The following G3BP2 variants were observed in gnomAD, a reference collection of about 807,000 sequenced individuals.
The protein encoded by G3BP2 is G3BP stress granule assembly factor 2, also known as ras GTPase-activating protein-binding protein 2.
Under a neutral mutation model 56.7 loss-of-function variants are expected in G3BP2, and 11 were observed. The ratio of observed to expected loss-of-function variants is 0.19; its 90% confidence interval spans 0.12 to 0.32. The LOEUF (loss-of-function observed/expected upper bound fraction) is 0.32. Ranked by LOEUF, G3BP2 falls within the 10% of genes least tolerant of loss-of-function variation. The pLI, the probability that G3BP2 is intolerant of heterozygous loss-of-function variation, is 1.00. For missense variants in G3BP2, 340 were observed against 610.9 expected, an observed-to-expected ratio of 0.56 and a Z score of 4.67; for synonymous variants, 165 against 191.6, an observed-to-expected ratio of 0.86 and a Z score of 1.15.
chr4:75,652,916 A>C (rs1731809564), intron 8 of G3BP2, among the ~76,000 whole-genome samples: 1 of 152,194 alleles, frequency 6.6e-6, no homozygotes, highest in Admixed American at 6.5e-5. Context: ...AATAATCCAA[A>C]GGTTCCAAAT....
chr4:75,683,988 A>G (rs544028833), intron 3 of G3BP2, among the ~76,000 whole-genome samples: 12 of 152,192 alleles, frequency 7.9e-5, no homozygotes, highest in Non-Finnish European at 1.8e-4. Context: ...TTCTCTAAGC[A>G]ACAAAGAGCT....
intron 3 of G3BP2, among the ~76,000 whole-genome samples, chr4:75,714,247 T>C (rs561594859): frequency 6.6e-6 from 1 of 152,232 alleles, no homozygotes; most frequent in Non-Finnish European, 1.5e-5. Context: ...CTTTAGTAAT[T>C]AGACACTGAA....
At chr4:75,664,127 C>G (rs904327822) in intron 1 of G3BP2, among the ~76,000 whole-genome samples, 3 of 151,754 alleles carry the variant, frequency 2.0e-5, no homozygotes, top group Non-Finnish European at 4.4e-5. Flanking sequence ...CGTGATCCAC[C>G]TGCCTCAGCC....
In G3BP2 at chr4:75,647,291, G is replaced by A. The variant is rs915501421; in HGVS notation, c.929-134C>T. The A allele has an allele frequency of 1.4e-5, 8 of 564,416 alleles. No homozygotes were observed. In the African/African-American group the frequency reaches 1.5e-4, roughly 11 times the overall value. The allele number at this position is 564,416 out of a possible 1,614,324, so 35.0% of individuals were successfully genotyped here. A position where few individuals can be genotyped will look rare whatever the true frequency, so the allele number is the denominator to read the frequency against. On this transcript the variant is annotated intron_variant, in intron 9 of 11. Transcript: ENST00000359707. ...AAGACTAGGTGAGCTTCTTGAAAAA[G>A]AGGCAAAAGTACTTATTACTAGTAG...
chr4:75,651,254 T>C (rs1731682784), intron 8 of G3BP2, among the ~76,000 whole-genome samples: 1 of 152,166 alleles, frequency 6.6e-6, no homozygotes, highest in African/African-American at 2.4e-5. Flanking sequence ...TGCACCTTTA[T>C]TACAAAATTT....
intron 3 of G3BP2, among the ~76,000 whole-genome samples, chr4:75,710,665 CTTTA>C (rs1242021286): frequency 6.6e-6 from 1 of 152,000 alleles, no homozygotes; most frequent in Non-Finnish European, 1.5e-5. Context: ...GTCTGTCTGG[CTTTA>C]TTTATTTATT....
intron 3 of G3BP2, among the ~76,000 whole-genome samples, 163 bp from the exon 4 acceptor site, chr4:75,657,893 C>G (rs922670307): frequency 1.3e-5 from 2 of 152,162 alleles, no homozygotes; most frequent in Non-Finnish European, 2.9e-5. Context: ...GAATGATGTT[C>G]CTAAAGAAGA....
intron 1 of G3BP2, among the ~76,000 whole-genome samples, chr4:75,668,069 C>T (rs553693516): frequency 5.9e-5 from 9 of 152,106 alleles, no homozygotes; most frequent in South Asian, 4.1e-4. Context: ...TCAGCTCTCA[C>T]GGAAAATTGC....
intron 3 of G3BP2, among the ~76,000 whole-genome samples, chr4:75,712,371 A>C (rs1466917434): frequency 1.3e-5 from 2 of 152,044 alleles, no homozygotes; most frequent in Non-Finnish European, 2.9e-5. Context: ...CATTATTTTG[A>C]GGTACATGAT....
rs1344358657 is a variant in G3BP2, at chr4:75,673,193, GGCGCCCGTAC to G, written c.-25+5_-25+14del. Reference sequence around the variant, plus strand: ...GACCACCACACCGACCTCCCCTCCCGGCGCCCGTACACACCTCCAGCCAACGGCGGCGGCG... The same window carrying G: ...GACCACCACACCGACCTCCCCTCCCGACACCTCCAGCCAACGGCGGCGGCG... On this transcript the variant is annotated splice_donor_5th_base_variant and intron_variant, in intron 1 of 11. Transcript: ENST00000359707. The G allele has an allele frequency of 4.7e-5, 56 of 1,197,362 alleles. No homozygotes were observed. The highest frequency in any genetic ancestry group is 1.3e-5 in the Non-Finnish European group (13 of 966,198). The allele number at this position is 1,197,362 out of a possible 1,614,324, so 74.2% of individuals were successfully genotyped here. A position where few individuals can be genotyped will look rare whatever the true frequency, so the allele number is the denominator to read the frequency against.
chr4:75,664,009 G>A (rs1315893454), intron 1 of G3BP2, among the ~76,000 whole-genome samples: 9 of 149,948 alleles, frequency 6.0e-5, no homozygotes, highest in Non-Finnish European at 7.4e-5. Context: ...TCAGCCTCCC[G>A]AGTAGCTGGG....
intron 3 of G3BP2, among the ~76,000 whole-genome samples, chr4:75,716,161 G>A (rs960142689): frequency 6.6e-6 from 1 of 152,054 alleles, no homozygotes; most frequent in African/African-American, 2.4e-5. Flanking sequence ...GCAAGTTGGA[G>A]CTTTTCTAGT....
intron 3 of G3BP2, among the ~76,000 whole-genome samples, chr4:75,699,730 AGTT>A (rs1359737612): frequency 3.9e-5 from 6 of 152,084 alleles, no homozygotes; most frequent in South Asian, 2.1e-4. Flanking sequence ...TTTCTCTTAT[AGTT>A]GTTGTTTTTC....
chr4:75,719,810 A>G (rs1252284755), intron 3 of G3BP2, among the ~76,000 whole-genome samples: 2 of 151,846 alleles, frequency 1.3e-5, no homozygotes. Flanking sequence ...GCTGGTCTCA[A>G]GCTCCCGACC....
intron 1 of G3BP2, among the ~76,000 whole-genome samples, chr4:75,671,311 A>T (rs1485399885): frequency 2.0e-5 from 3 of 152,200 alleles, no homozygotes; most frequent in Non-Finnish European, 4.4e-5. Context: ...TTTTTAAAGC[A>T]ATCTAGGGGG....
intron 3 of G3BP2, among the ~76,000 whole-genome samples, chr4:75,683,322 G>T (rs1734154344): frequency 6.6e-6 from 1 of 152,110 alleles, no homozygotes; most frequent in East Asian, 1.9e-4. Context: ...AGCATTTTGT[G>T]AGGCCAAGGC....
rs139374834 is a variant in G3BP2, at chr4:75,721,735, G to A, written c.-118+462C>T. 3.2e-3 allele frequency among the ~76,000 whole-genome samples: 482 copies of A among 152,048 alleles called. 1 individual carries two copies. Among genetic ancestry groups the A allele is most frequent in the African/African-American group, 0.011 (454 of 41,466 alleles). On this transcript the variant is annotated intron_variant, in intron 2 of 3. Transcript: ENST00000499709. ...AAACAATCTTATGCAATTATATTTC[G>A]TTGTTTTTGCGAGTTTTCCACTAGA...
In G3BP2 at chr4:75,673,330, C is replaced by T; in HGVS notation, c.-147G>A. On this transcript the variant is annotated 5_prime_UTR_variant, in exon 1 of 12. Transcript: ENST00000359707. ...CCGACAACTCGGAAGCCTCGGAAGCCGGAGAGCCGCGAGTTCGTCTGCCTC... is the reference window on the plus strand; with the variant it reads ...CCGACAACTCGGAAGCCTCGGAAGCTGGAGAGCCGCGAGTTCGTCTGCCTC... 2.4e-6 allele frequency: 3 copies of T among 1,230,554 alleles called. No homozygotes were observed. The South Asian group carries it at 1.2e-4, about 51-fold the overall frequency. The allele number at this position is 1,230,554 out of a possible 1,614,324, so 76.2% of individuals were successfully genotyped here. A position where few individuals can be genotyped will look rare whatever the true frequency, so the allele number is the denominator to read the frequency against.
chr4:75,670,246 T>C lies in G3BP2; in HGVS notation c.-25+2962A>G, dbSNP rs551135493. On this transcript the variant is annotated intron_variant, in intron 1 of 11. Coordinates refer to ENST00000359707, the MANE Select transcript of G3BP2 (RefSeq NM_203505.3). ...AACTAGTCAGGTTTATTTATTTTAA[T>C]TGAACCATGGACTATATCCATTTCC... 14 of 152,334 alleles carry C rather than the reference T, an allele frequency of 9.2e-5. No individual in the cohort carries two copies. In the South Asian group the frequency reaches 1.0e-3, roughly 11 times the overall value. 9.4% of individuals were successfully genotyped at this position (152,334 alleles called of 1,614,324 possible).
Sources: gnomAD v4.1 joint callset for allele counts (sites outside exome capture counted in the v4.1 genomes callset) on GRCh38, gnomAD v4.1.1 for gene constraint, MANE v1.5 for transcripts, NCBI Gene and HGNC (gene_info 2026-07-23, HGNC 2026-07-21) for gene names.